The following EVC variants were observed in gnomAD, a reference collection of about 807,000 sequenced individuals.
EVC encodes the protein EvC ciliary complex subunit 1, also known as evC complex member EVC.
A neutral mutation model predicts 118.9 loss-of-function variants in EVC; 116 were observed. The observed-to-expected ratio is 0.98, with a 90% CI of 0.84 to 1.14. The LOEUF is 1.14. EVC is among the 50% of genes most tolerant of loss of function. The probability of loss-of-function intolerance (pLI) is 0.00; values close to 1 mark genes in which losing one functional copy is unlikely to be tolerated. For synonymous variants in EVC, 619 were observed against 534.7 expected, an observed-to-expected ratio of 1.16 and a Z score of -2.18; for missense variants, 1,401 against 1,246.4, an observed-to-expected ratio of 1.12 and a Z score of -1.87.
Position 5,731,421 on chromosome 4 carries a change from C to G in EVC, c.385-4C>G. ...ACTGAGTGTGACTCCTACTGCCACC[C>G]CAGCCTCTGGCCGATGGCTCCTCCA... is the stretch of plus-strand genomic sequence containing the variant. On this transcript the variant is annotated splice_region_variant and splice_polypyrimidine_tract_variant and intron_variant, in intron 3 of 20. Transcript: ENST00000264956. The surrounding 1 kb of genome is among the most constrained non-coding windows in gnomAD (Gnocchi z 5.6). The G allele has an allele frequency of 1.2e-6, 2 of 1,612,216 alleles. No homozygotes were observed. The highest frequency in any genetic ancestry group is 1.7e-6 in the Non-Finnish European group (2 of 1,178,710).
chr4:5,764,989 G>A (rs1392816809), intron 11 of EVC, among the ~76,000 whole-genome samples: 1 of 130,388 alleles, frequency 7.7e-6, no homozygotes, highest in Non-Finnish European at 1.7e-5. Context: ...TTTTAATTGT[G>A]ATGTCAGGGT....
rs1303814533 is a variant in EVC at position 5,798,042 on chromosome 4, T to A, written c.2098-544T>A. 6.6e-6 allele frequency among the ~76,000 whole-genome samples: 1 copy of A among 152,166 alleles called. No individual in the cohort carries two copies. Among genetic ancestry groups the A allele is most frequent in the Non-Finnish European group, 1.5e-5 (1 of 68,032 alleles). ...ATGAATGAGGCACAAGCCCACAGTC[T>A]CTTAAGCTCTATCCAGGAGAGCTCC... On this transcript the variant is annotated intron_variant, in intron 14 of 20. Coordinates refer to ENST00000264956, the MANE Select transcript of EVC (RefSeq NM_153717.3). This position sits in a 1 kb window ranked among gnomAD's most constrained non-coding sequence, Gnocchi z 4.1.
At chr4:5,713,322 G>A (rs1723354543) in intron 1 of EVC, among the ~76,000 whole-genome samples, 1 of 152,178 alleles carries the variant, frequency 6.6e-6, no homozygotes, top group South Asian at 2.1e-4. Context: ...TTTATAAAAT[G>A]TATGTCAGAC....
intron 17 of EVC, among the ~76,000 whole-genome samples, chr4:5,805,415 G>C (rs887066093): frequency 6.6e-6 from 1 of 152,220 alleles, no homozygotes; most frequent in African/African-American, 2.4e-5. Flanking sequence ...CGACCGGGCT[G>C]TTCTTAGGAA....
chr4:5,712,581 G>C (rs1184042939), intron 1 of EVC, among the ~76,000 whole-genome samples: 1 of 152,172 alleles, frequency 6.6e-6, no homozygotes, highest in Non-Finnish European at 1.5e-5. Flanking sequence ...AAGATGGCGT[G>C]GTCTTGCTAC....
chr4:5,815,627 C>T (rs553713393), downstream of EVC, among the ~76,000 whole-genome samples: 1 of 152,302 alleles, frequency 6.6e-6, no homozygotes, highest in African/African-American at 2.4e-5. Flanking sequence ...GGAGAGGGGC[C>T]AGGGAAGTCC....
At chr4:5,802,439 C>T (rs538456532) in intron 16 of EVC, among the ~76,000 whole-genome samples, 115 of 152,258 alleles carry the variant, frequency 7.6e-4, no homozygotes, top group African/African-American at 2.7e-3. Context: ...TATTTTTCCA[C>T]AGACCAGGGT....
At chr4:5,768,993 CCTT>C (rs1233558408) in intron 11 of EVC, among the ~76,000 whole-genome samples, 2 of 152,130 alleles carry the variant, frequency 1.3e-5, no homozygotes, top group Non-Finnish European at 2.9e-5. Flanking sequence ...TCATTTTACC[CCTT>C]CTTTGGGCAT....
intron 1 of EVC, among the ~76,000 whole-genome samples, chr4:5,718,939 A>G (rs1393457437): frequency 2.0e-5 from 3 of 152,212 alleles, no homozygotes; most frequent in Non-Finnish European, 4.4e-5. Context: ...CCAACCTAGA[A>G]GAAAAATGGA....
At chr4:5,725,351 G>C (rs1466355471) in intron 2 of EVC, among the ~76,000 whole-genome samples, 1 of 152,144 alleles carries the variant, frequency 6.6e-6, no homozygotes. Flanking sequence ...CAGTGTAAAA[G>C]TTTTCCTTTT....
Position 5,729,360 on chromosome 4 carries a change from A to C in EVC, c.354A>C (p.Lys118Asn). The change falls in exon 3 of 21, where the codon AAA becomes AAC. Residue 118 changes from lysine (K) to asparagine (N), a missense_variant. By Grantham distance (94) the Lys-to-Asn change is moderately conservative. Coordinates refer to ENST00000264956, the MANE Select transcript of EVC (RefSeq NM_153717.3). ...SNITAFALKA[K>N]VIYPINQKFR... is the part of the protein sequence containing the mutation. ...TCACAGCATTCGCCCTGAAGGCCAA[A>C]GTCATCTACCCCATCAATCAGAAGT... 6.2e-7 allele frequency: 1 copy of C among 1,614,134 alleles called. No individual in the cohort carries two copies. The highest frequency in any genetic ancestry group is 8.5e-7 in the Non-Finnish European group (1 of 1,180,034).
rs1731228115 is a variant in EVC, at chr4:5,756,680, G to A, written c.1563+318G>A. On this transcript the variant is annotated intron_variant, in intron 11 of 20. Coordinates refer to ENST00000264956, the MANE Select transcript of EVC (RefSeq NM_153717.3). This position sits in a 1 kb window ranked among gnomAD's most constrained non-coding sequence, Gnocchi z 4.2. ...TGAGAAATAGGCCCAGGGTTTCTGG[G>A]TGTCATCAGTGTAAAGTGGTGATGA... 6.6e-6 allele frequency among the ~76,000 whole-genome samples: 1 copy of A among 152,220 alleles called. No individual in the cohort carries two copies. Among genetic ancestry groups the A allele is most frequent in the Non-Finnish European group, 1.5e-5 (1 of 68,052 alleles).
the EVC span, chr4:5,821,945 G>A: frequency 7.3e-6 from 7 of 964,114 alleles, no homozygotes; most frequent in South Asian, 1.8e-5. This position sits in a 1 kb window ranked among gnomAD's most constrained non-coding sequence, Gnocchi z 4.4. Context: ...GCACTCCACT[G>A]GACCCACCTT....
chr4:5,734,145 C>T (rs907954648), intron 5 of EVC, among the ~76,000 whole-genome samples: 3 of 152,020 alleles, frequency 2.0e-5, no homozygotes, highest in Non-Finnish European at 4.4e-5. Context: ...CGCAGAACCC[C>T]GGTGGGTTTA....
At chr4:5,795,781 T>C (rs1713837460) in intron 13 of EVC, among the ~76,000 whole-genome samples, 1 of 152,222 alleles carries the variant, frequency 6.6e-6, no homozygotes, top group Non-Finnish European at 1.5e-5. Context: ...CCTGTGTCTT[T>C]TAATTGCATT....
intron 11 of EVC, chr4:5,758,136 A>G (rs934340980): frequency 1.4e-6 from 1 of 701,962 alleles, no homozygotes; most frequent in African/African-American, 1.7e-5. Flanking sequence ...AGACAGAAGG[A>G]GGGACTGGAG....
At chr4:5,715,721 G>T (rs867730117) in intron 1 of EVC, among the ~76,000 whole-genome samples, 1 of 147,934 alleles carries the variant, frequency 6.8e-6, no homozygotes, top group Non-Finnish European at 1.5e-5. Context: ...CCAGAATTTC[G>T]AAGGCATTTT....
In EVC at chr4:5,813,108, G is replaced by A. The variant is rs1257129770; in HGVS notation, c.*2071G>A. 6.6e-6 allele frequency: 1 copy of A among 152,220 alleles called. No individual in the cohort carries two copies. Among genetic ancestry groups the A allele is most frequent in the Admixed American group, 6.5e-5 (1 of 15,276 alleles). 9.4% of individuals were successfully genotyped at this position (152,220 alleles called of 1,614,324 possible). A position where few individuals can be genotyped will look rare whatever the true frequency, so the allele number is the denominator to read the frequency against. Reference sequence around the variant, plus strand: ...TTCAGTTCCTCACCCATCAGCCAGTGGGCTCTCCAAAGTTAACCAACAGCT... The same window carrying A: ...TTCAGTTCCTCACCCATCAGCCAGTAGGCTCTCCAAAGTTAACCAACAGCT... On this transcript the variant is annotated 3_prime_UTR_variant, in exon 21 of 21. Coordinates refer to ENST00000264956, the MANE Select transcript of EVC (RefSeq NM_153717.3).
chr4:5,823,844 T>G, the EVC span, among the ~76,000 whole-genome samples: 1 of 152,218 alleles, frequency 6.6e-6, no homozygotes, highest in South Asian at 2.1e-4. Flanking sequence ...GCAATGTAAA[T>G]GGACGAAAAC....
Sources: gnomAD v4.1 joint callset for allele counts (sites outside exome capture counted in the v4.1 genomes callset) on GRCh38, gnomAD v4.1.1 for gene constraint, Gnocchi (gnomAD v3.1) non-coding constraint, MANE v1.5 for transcripts, NCBI Gene and HGNC (gene_info 2026-07-23, HGNC 2026-07-21) for gene names.